CFTR: variants seen among roughly 807,000 people sequenced by gnomAD.
CFTR encodes CF transmembrane conductance regulator.
In CFTR, 181 loss-of-function variants were observed where a neutral mutation model predicts 171.6. That is an observed-to-expected ratio of 1.05 (90% CI 0.93 to 1.19). CFTR has a LOEUF of 1.19. CFTR is among the 50% of genes most tolerant of loss of function. CFTR has a pLI of 0.00. For missense variants in CFTR, 1,968 were observed against 1,734.7 expected (o/e 1.13, Z -2.39); for synonymous variants, 583 against 608.0 (o/e 0.96, Z 0.60).
intron 11 of CFTR, among the ~76,000 whole-genome samples, chr7:117,583,317 C>T (rs371981744): frequency 1.5e-4 from 23 of 151,696 alleles, no homozygotes; most frequent in Non-Finnish European, 3.2e-4. Flanking sequence ...TCTTTTATCC[C>T]CCCCCCGCTC....
chr7:117,513,093 T>C (rs1798547137), intron 3 of CFTR, among the ~76,000 whole-genome samples: 1 of 152,114 alleles, frequency 6.6e-6, no homozygotes, highest in South Asian at 2.1e-4. Flanking sequence ...CCTAAAGGTT[T>C]GCTGAAATAT....
At chr7:117,663,458 C>T (rs1458426235) in intron 24 of CFTR, among the ~76,000 whole-genome samples, 1 of 149,876 alleles carries the variant, frequency 6.7e-6, no homozygotes, top group Non-Finnish European at 1.5e-5. Context: ...AAAGGAGTAT[C>T]ATCTGCAATA....
intron 1 of CFTR, among the ~76,000 whole-genome samples, chr7:117,489,643 A>G (rs1199718569): frequency 6.6e-6 from 1 of 151,976 alleles, no homozygotes; most frequent in Admixed American, 6.6e-5. Context: ...TCACTAATGC[A>G]GTGCAGAGAT....
chr7:117,549,385 A>C (rs1214530615), intron 10 of CFTR, among the ~76,000 whole-genome samples: 1 of 152,204 alleles, frequency 6.6e-6, no homozygotes, highest in African/African-American at 2.4e-5. Context: ...AGAACAACTT[A>C]ACCTGGCATA....
At chr7:117,490,477 T>G (rs1798143028) in intron 1 of CFTR, among the ~76,000 whole-genome samples, 1 of 147,674 alleles carries the variant, frequency 6.8e-6, no homozygotes, top group Non-Finnish European at 1.5e-5. Flanking sequence ...GAAGGCAGTC[T>G]GTTGGGGAAT....
chr7:117,498,742 T>C (rs998871556), intron 1 of CFTR, among the ~76,000 whole-genome samples: 1 of 152,062 alleles, frequency 6.6e-6, no homozygotes, highest in Non-Finnish European at 1.5e-5. Flanking sequence ...AGAGCTGTGC[T>C]CTAGAAGTTT....
Position 117,541,998 on chromosome 7 carries a change from G to T in CFTR, c.1117-18G>T, listed in dbSNP as rs1291589331. On this transcript the variant is annotated intron_variant, in intron 8 of 26. Coordinates refer to ENST00000003084, the MANE Select transcript of CFTR (RefSeq NM_000492.4). ...TATTCTGATTCTATAATATGTTTTT[G>T]CTCTCTTTTATAAATAGGATTTCTT... 8.2e-7 allele frequency: 1 copy of T among 1,213,080 alleles called. No individual in the cohort carries two copies. Among genetic ancestry groups the T allele is most frequent in the Non-Finnish European group, 1.2e-6 (1 of 815,882 alleles). The allele number at this position is 1,213,080 out of a possible 1,614,324, so 75.1% of individuals were successfully genotyped here.
chr7:117,529,792 G>A (rs1798829729), intron 3 of CFTR, among the ~76,000 whole-genome samples: 1 of 152,082 alleles, frequency 6.6e-6, no homozygotes, highest in South Asian at 2.1e-4. Context: ...CAAATTAAGG[G>A]ATGAGGCAGA....
intron 1 of CFTR, among the ~76,000 whole-genome samples, chr7:117,485,674 C>G (rs767355807): frequency 2.0e-5 from 3 of 152,072 alleles, no homozygotes; most frequent in Non-Finnish European, 4.4e-5. Context: ...GAATTACATT[C>G]CTACAGAGCT....
chr7:117,539,324 G>A (rs1175266581), intron 7 of CFTR, among the ~76,000 whole-genome samples: 1 of 152,108 alleles, frequency 6.6e-6, no homozygotes, highest in Non-Finnish European at 1.5e-5. Flanking sequence ...TAATGTGATT[G>A]CAAATAATTA....
At chr7:117,662,717 A>T (rs1430689964) in intron 24 of CFTR, among the ~76,000 whole-genome samples, 1 of 152,160 alleles carries the variant, frequency 6.6e-6, no homozygotes, top group Non-Finnish European at 1.5e-5. Flanking sequence ...GATTTGTAGG[A>T]TGATTCTTAA....
chr7:117,647,772 T>C (rs1221721893), intron 23 of CFTR, among the ~76,000 whole-genome samples: 1 of 151,868 alleles, frequency 6.6e-6, no homozygotes, highest in Non-Finnish European at 1.5e-5. Context: ...CCTCCCACCT[T>C]GGCCTCCCAA....
chr7:117,609,596 G>A (rs1259441453), intron 18 of CFTR, among the ~76,000 whole-genome samples: 2 of 152,028 alleles, frequency 1.3e-5, no homozygotes. Context: ...TTATTTCAAT[G>A]TTAAGCATGA....
chr7:117,592,533 C>T lies in CFTR; in HGVS notation c.2366C>T (p.Ala789Val). 1 of 1,525,092 alleles carries T rather than the reference C, an allele frequency of 6.6e-7. No homozygotes were observed. Among genetic ancestry groups the T allele is most frequent in the Non-Finnish European group, 8.8e-7 (1 of 1,139,048 alleles). The allele number at this position is 1,525,092 out of a possible 1,614,324, so 94.5% of individuals were successfully genotyped here. Residue 789 changes from alanine (A) to valine (V), a missense_variant, in exon 14 of 27, where the codon GCA (alanine) becomes GTA (valine). Transcript: ENST00000003084. ...CAGAACATTCACCGAAAGACAACAG[C>T]ATCCACACGAAAAGTGTCACTGGCC... ...QGQNIHRKTTASTRKVSLAPQ... is the reference protein window; with the variant it reads ...QGQNIHRKTTVSTRKVSLAPQ...
At chr7:117,523,510 A>G (rs1341407489) in intron 3 of CFTR, among the ~76,000 whole-genome samples, 5 of 151,604 alleles carry the variant, frequency 3.3e-5, no homozygotes, top group Non-Finnish European at 7.4e-5. Context: ...CCGAGTAGCT[A>G]GGACTACAGG....
At chr7:117,603,174 C>CTAAAA (rs1032810292) in intron 16 of CFTR, among the ~76,000 whole-genome samples, 6 of 152,066 alleles carry the variant, frequency 3.9e-5, no homozygotes, top group South Asian at 2.1e-4. Context: ...GATCCTATAT[C>CTAAAA]TAAAATAAAA....
intron 22 of CFTR, 21 bp from the exon 23 acceptor site, chr7:117,642,417 C>G: frequency 6.2e-7 from 1 of 1,602,148 alleles, no homozygotes. Flanking sequence ...CAGAAGTGAT[C>G]CCATCACTTT....
chr7:117,571,669 T>C (rs1791691792), intron 11 of CFTR, among the ~76,000 whole-genome samples: 1 of 152,172 alleles, frequency 6.6e-6, no homozygotes, highest in Non-Finnish European at 1.5e-5. Context: ...CCAAACACCT[T>C]AAATCACTGC....
intron 1 of CFTR, among the ~76,000 whole-genome samples, chr7:117,486,896 G>GGGGGGGGGGGGGAGA (rs1554373814): frequency 8.8e-6 from 1 of 113,586 alleles, no homozygotes. Context: ...GAGGGGGCGG[G>GGGGGGGGGGGGGAGA]GAGAGAGAGA....
Sources: allele counts gnomAD v4.1 joint callset (sites outside exome capture counted in the v4.1 genomes callset), GRCh38; gene constraint gnomAD v4.1.1; transcripts MANE v1.5; gene names NCBI Gene and HGNC (gene_info 2026-07-23, HGNC 2026-07-21).